Variants in ITCH observed in about 807,000 individuals in gnomAD.
The protein encoded by ITCH is E3 ubiquitin-protein ligase Itchy homolog.
ITCH carries 28 observed loss-of-function variants against 126.8 expected under a neutral mutation model. The observed-to-expected ratio is 0.22, with a 90% CI of 0.16 to 0.30. ITCH has a LOEUF of 0.30. ITCH is among the 10% of genes least tolerant of loss of function. ITCH has a pLI of 1.00. For synonymous variants in ITCH, 342 were observed against 340.0 expected (o/e 1.01, Z -0.06); for missense variants, 631 against 1,032.4 (o/e 0.61, Z 5.33).
chr20:34,432,764 TG>T lies in ITCH; in HGVS notation c.522-5707del, dbSNP rs1184714282. Among the ~76,000 whole-genome samples, 3 of 151,878 alleles carry T rather than the reference TG, an allele frequency of 2.0e-5. No homozygotes were observed. In the East Asian group the frequency reaches 5.8e-4, roughly 29 times the overall value. On this transcript the variant is annotated intron_variant, in intron 7 of 24. Transcript: ENST00000374864. ...TGAATCCAGGAGTTCGAGACCAGCC[TG>T]GGTGACATGGCGAAACCCTGTCTCT...
chr20:34,385,426 C>T (rs1250845098), intron 2 of ITCH, among the ~76,000 whole-genome samples: 1 of 152,050 alleles, frequency 6.6e-6, no homozygotes, highest in Non-Finnish European at 1.5e-5. Flanking sequence ...TATAATTTCA[C>T]ACAAGCATTG....
intron 2 of ITCH, among the ~76,000 whole-genome samples, chr20:34,372,236 C>A (rs780180789): frequency 2.2e-5 from 3 of 135,906 alleles, no homozygotes; most frequent in Non-Finnish European, 3.1e-5. Flanking sequence ...ACCTGGGAGG[C>A]GGAGCTTGCA....
chr20:34,385,316 G>A (rs922248496), intron 2 of ITCH, among the ~76,000 whole-genome samples: 2 of 148,252 alleles, frequency 1.3e-5, no homozygotes, highest in African/African-American at 2.5e-5. Flanking sequence ...GCTCACCTTG[G>A]CCTTGCAAAG....
At chr20:34,369,333 AAAAC>A (rs11471915) in intron 1 of ITCH, 57 bp from the exon 2 acceptor site, 5 of 376,980 alleles carry the variant, frequency 1.3e-5, no homozygotes, top group Non-Finnish European at 2.4e-5. Flanking sequence ...CTCCATCTCA[AAAAC>A]AAACAAACAA....
intron 7 of ITCH, among the ~76,000 whole-genome samples, chr20:34,427,214 T>C (rs1568928858): frequency 6.6e-6 from 1 of 152,206 alleles, no homozygotes; most frequent in Non-Finnish European, 1.5e-5. Flanking sequence ...TCTATACTAA[T>C]CTCACGAGAT....
chr20:34,421,234 CT>C, intron 6 of ITCH, among the ~76,000 whole-genome samples: 1 of 152,294 alleles, frequency 6.6e-6, no homozygotes, highest in South Asian at 2.1e-4. Context: ...CCTGCCTCAG[CT>C]TTTTGAGTAG....
At chr20:34,496,157 TTTTTTA>T (rs1488216711) in intron 23 of ITCH, among the ~76,000 whole-genome samples, 4 of 152,166 alleles carry the variant, frequency 2.6e-5, no homozygotes, top group Non-Finnish European at 5.9e-5. Context: ...GCATTTGTTA[TTTTTTA>T]ATCTGTAACA....
At chr20:34,392,897 C>A (rs1363662583) in intron 2 of ITCH, among the ~76,000 whole-genome samples, 1 of 151,870 alleles carries the variant, frequency 6.6e-6, no homozygotes. Flanking sequence ...TCCAGAACAC[C>A]CCAGCTTGGG....
At chr20:34,401,536 G>A (rs1421883019) in intron 3 of ITCH, 16 of 418,330 alleles carry the variant, frequency 3.8e-5, no homozygotes, top group Non-Finnish European at 4.5e-5. Context: ...TCTACTCAAG[G>A]GTGGAGTAAA....
chr20:34,495,320 C>CACACA (rs1989804305), intron 23 of ITCH, among the ~76,000 whole-genome samples: 1 of 140,400 alleles, frequency 7.1e-6, no homozygotes, highest in Admixed American at 7.0e-5. Flanking sequence ...TATATATACA[C>CACACA]ACGCACACAC....
intron 4 of ITCH, among the ~76,000 whole-genome samples, chr20:34,411,451 G>A (rs928980400): frequency 1.3e-4 from 20 of 152,142 alleles, no homozygotes; most frequent in African/African-American, 4.3e-4. Context: ...ATTGCGCCTG[G>A]CCGAGAAATA....
chr20:34,437,021 C>A (rs540325271), intron 7 of ITCH, among the ~76,000 whole-genome samples: 8 of 151,566 alleles, frequency 5.3e-5, no homozygotes, highest in Admixed American at 5.3e-4. Flanking sequence ...CCTACCTACT[C>A]GGGAGGCTGA....
intron 2 of ITCH, among the ~76,000 whole-genome samples, chr20:34,378,593 G>T (rs1030604915): frequency 6.6e-6 from 1 of 150,748 alleles, no homozygotes; most frequent in African/African-American, 2.4e-5. Flanking sequence ...ACAGAAAATT[G>T]CCTGTCATAG....
intron 2 of ITCH, among the ~76,000 whole-genome samples, chr20:34,388,634 G>A (rs1157095030): frequency 6.6e-6 from 1 of 152,070 alleles, no homozygotes; most frequent in East Asian, 1.9e-4. Flanking sequence ...GATACTCAGG[G>A]CAAAGTTTTC....
chr20:34,404,269 ATTTAT>A (rs945161163), intron 3 of ITCH, among the ~76,000 whole-genome samples: 1 of 151,892 alleles, frequency 6.6e-6, no homozygotes, highest in Non-Finnish European at 1.5e-5. Flanking sequence ...TAGTACATTG[ATTTAT>A]TTTATATTTG....
At chr20:34,413,064 A>C (rs1854901102) in intron 5 of ITCH, among the ~76,000 whole-genome samples, 1 of 152,010 alleles carries the variant, frequency 6.6e-6, no homozygotes. Context: ...GCTGGAGTAC[A>C]GTGGCTATTT....
At chr20:34,422,702 GT>G (rs1980939513) in intron 6 of ITCH, among the ~76,000 whole-genome samples, 1 of 151,882 alleles carries the variant, frequency 6.6e-6, no homozygotes, top group African/African-American at 2.4e-5. Context: ...TGTAATTTAG[GT>G]TTAAAACATT....
chr20:34,489,243 GT>G, intron 20 of ITCH, 22 bp from the exon 21 acceptor site: 5 of 1,610,384 alleles, frequency 3.1e-6, no homozygotes, highest in East Asian at 2.2e-5. Context: ...TTCCTGATAG[GT>G]TTTTTCATAT....
chr20:34,480,150 C>T (rs1988603451), intron 18 of ITCH, among the ~76,000 whole-genome samples: 1 of 152,076 alleles, frequency 6.6e-6, no homozygotes, highest in Non-Finnish European at 1.5e-5. Context: ...CCACCTGCCT[C>T]AGCCTTCCAA....
Sources: allele counts gnomAD v4.1 joint callset (sites outside exome capture counted in the v4.1 genomes callset), GRCh38; gene constraint gnomAD v4.1.1; transcripts MANE v1.5; gene names NCBI Gene and HGNC (gene_info 2026-07-23, HGNC 2026-07-21).